Variants in SGK3 observed in about 807,000 individuals in gnomAD.
SGK3 encodes the protein serine/threonine-protein kinase Sgk3.
A neutral mutation model predicts 68.5 loss-of-function variants in SGK3; 47 were observed. That is an observed-to-expected ratio of 0.69 (90% CI 0.54 to 0.87). The LOEUF (loss-of-function observed/expected upper bound fraction) is 0.87. Among genes scored for constraint, SGK3 ranks in the 40% least tolerant of loss-of-function variants. The pLI, the probability that SGK3 is intolerant of heterozygous loss-of-function variation, is 0.00. For missense variants in SGK3, 479 were observed against 575.5 expected, an observed-to-expected ratio of 0.83 and a Z score of 1.72; for synonymous variants, 181 against 189.1, an observed-to-expected ratio of 0.96 and a Z score of 0.35.
chr8:66,832,398 TG>T (rs747730680), intron 8 of SGK3, among the ~76,000 whole-genome samples: 4 of 152,202 alleles, frequency 2.6e-5, no homozygotes, highest in Non-Finnish European at 5.9e-5. Flanking sequence ...AACTCTAGTT[TG>T]TTTTCTGGGT....
chr8:66,777,895 T>C (rs2130511249), intron 1 of SGK3: 1 of 152,398 alleles, frequency 6.6e-6, no homozygotes, highest in East Asian at 1.9e-4. Context: ...TGAGTGTTGC[T>C]TCATGACAGT....
chr8:66,804,786 A>G (rs575882034), intron 4 of SGK3, among the ~76,000 whole-genome samples: 1 of 152,360 alleles, frequency 6.6e-6, no homozygotes, highest in Non-Finnish European at 1.5e-5. Context: ...TCTGACTTCT[A>G]TATAAATTTA....
At position 66,836,157 on chromosome 8, in the gene SGK3, G is replaced by A. The variant is rs796929221; in HGVS notation, c.741+83G>A. 3.3e-6 allele frequency: 5 copies of A among 1,515,760 alleles called. No homozygotes were observed. The African/African-American group carries it at 7.0e-5, about 21-fold the overall frequency. 93.9% of individuals were successfully genotyped at this position (1,515,760 alleles called of 1,614,324 possible). A position where few individuals can be genotyped will look rare whatever the true frequency, so the allele number is the denominator to read the frequency against. ...AAGTTTTTCTTGTAAGTTTTAGAAG[G>A]ACAGTATAAAATCAGTAGCTTTTTA... On this transcript the variant is annotated intron_variant, in intron 10 of 16. Coordinates refer to ENST00000521198, the MANE Select transcript of SGK3 (RefSeq NM_001033578.3).
chr8:66,807,419 C>A (rs1808211917), intron 4 of SGK3, among the ~76,000 whole-genome samples: 1 of 152,150 alleles, frequency 6.6e-6, no homozygotes, highest in Non-Finnish European at 1.5e-5. Flanking sequence ...TTGTTAAAGG[C>A]AAGATACCAG....
chr8:66,799,880 T>C (rs182097259), intron 3 of SGK3, among the ~76,000 whole-genome samples: 7 of 152,286 alleles, frequency 4.6e-5, no homozygotes, highest in Non-Finnish European at 7.4e-5. Context: ...CACCTCGGCC[T>C]CCTAATGTGC....
At chr8:66,752,801 A>T (rs77399033) in intron 1 of SGK3, among the ~76,000 whole-genome samples, 1 of 151,994 alleles carries the variant, frequency 6.6e-6, no homozygotes, top group Non-Finnish European at 1.5e-5. Flanking sequence ...CTTGGGGAGA[A>T]GGGAGAGTAA....
In SGK3 at chr8:66,770,542, ATTCC is replaced by A. The variant is rs577828613; in HGVS notation, c.-121-23072_-121-23069del. On this transcript the variant is annotated intron_variant, in intron 1 of 16. Transcript: ENST00000521198. ...CCAAGCAGTATTTATTCTAGGGCTA[ATTCC>A]TCCCCAGTCTAAGTAAGGTAAGACT... is the stretch of plus-strand genomic sequence containing the variant. Among the ~76,000 whole-genome samples the A allele has an allele frequency of 1.2e-4, 18 of 152,150 alleles. No homozygotes were observed. In the East Asian group the frequency reaches 3.5e-3, roughly 29 times the overall value.
chr8:66,763,244 G>A (rs1806224062), intron 1 of SGK3, among the ~76,000 whole-genome samples: 1 of 152,164 alleles, frequency 6.6e-6, no homozygotes, highest in Admixed American at 6.5e-5. Context: ...GTTATCGAAA[G>A]GTAAACCATG....
At chr8:66,723,121 ATATATATATATTTTTT>A (rs1383529107) in intron 1 of SGK3, among the ~76,000 whole-genome samples, 28 of 50,876 alleles carry the variant, frequency 5.5e-4, no homozygotes, top group African/African-American at 2.5e-3. Context: ...ATATATATAT[ATATATATATATTTTTT>A]TTTTTTTTTT....
intron 1 of SGK3, among the ~76,000 whole-genome samples, chr8:66,745,314 G>A (rs2130413822): frequency 6.6e-6 from 1 of 152,292 alleles, no homozygotes; most frequent in Middle Eastern, 3.4e-3. Flanking sequence ...GCTCACACCT[G>A]TAATCCCAGC....
chr8:66,772,130 C>T (rs1462000818), intron 1 of SGK3, among the ~76,000 whole-genome samples: 1 of 144,308 alleles, frequency 6.9e-6, no homozygotes, highest in Non-Finnish European at 1.5e-5. Context: ...GAGTCTCGCT[C>T]TGTCGCCCAG....
intron 5 of SGK3, among the ~76,000 whole-genome samples, chr8:66,817,260 A>G (rs1052188601): frequency 2.6e-5 from 4 of 151,948 alleles, no homozygotes; most frequent in Admixed American, 6.5e-5. Context: ...GTGAAACTCC[A>G]TCTCTACTAA....
chr8:66,749,890 A>G (rs979150408), intron 1 of SGK3, among the ~76,000 whole-genome samples: 4 of 151,892 alleles, frequency 2.6e-5, no homozygotes, highest in Non-Finnish European at 5.9e-5. Flanking sequence ...GCCTTGGTAC[A>G]TGGCAACTGA....
intron 1 of SGK3, among the ~76,000 whole-genome samples, chr8:66,758,544 A>G (rs191669637): frequency 6.6e-5 from 10 of 152,240 alleles, no homozygotes; most frequent in African/African-American, 2.4e-4. Flanking sequence ...ATCTCTCTAT[A>G]TCTATATATA....
chr8:66,752,204 C>T (rs1016984719), intron 1 of SGK3, among the ~76,000 whole-genome samples: 5 of 152,028 alleles, frequency 3.3e-5, no homozygotes, highest in Non-Finnish European at 5.9e-5. Context: ...TTGAAGAGTG[C>T]GTAGTAGAGG....
At chr8:66,769,432 C>T (rs1444359054) in intron 1 of SGK3, among the ~76,000 whole-genome samples, 1 of 152,214 alleles carries the variant, frequency 6.6e-6, no homozygotes, top group Non-Finnish European at 1.5e-5. Flanking sequence ...CCATGTTGGC[C>T]AGGCTGGTCT....
intron 15 of SGK3, among the ~76,000 whole-genome samples, chr8:66,850,590 G>A (rs1181999791): frequency 2.6e-5 from 4 of 152,196 alleles, no homozygotes; most frequent in Non-Finnish European, 5.9e-5. Flanking sequence ...TTTTACCACT[G>A]AGGAAACTGA....
intron 1 of SGK3, among the ~76,000 whole-genome samples, chr8:66,729,471 GAAAA>G (rs112477356): frequency 6.9e-6 from 1 of 144,906 alleles, no homozygotes; most frequent in Admixed American, 6.9e-5. Flanking sequence ...AAAGAAAAAA[GAAAA>G]AAAAAAATCC....
intron 3 of SGK3, among the ~76,000 whole-genome samples, chr8:66,801,339 A>G (rs1044843839): frequency 1.3e-5 from 2 of 152,168 alleles, no homozygotes; most frequent in African/African-American, 2.4e-5. Context: ...TAATCAAAGG[A>G]TATTGAGATA....
Sources: allele counts gnomAD v4.1 joint callset (sites outside exome capture counted in the v4.1 genomes callset), GRCh38; gene constraint gnomAD v4.1.1; transcripts MANE v1.5; gene names NCBI Gene and HGNC (gene_info 2026-07-23, HGNC 2026-07-21).